Variants in CDYL2 observed in about 807,000 individuals in gnomAD.
The protein encoded by CDYL2 is chromodomain Y like 2.
A neutral mutation model predicts 49.4 loss-of-function variants in CDYL2; 23 were observed. The observed-to-expected ratio is 0.47, with a 90% CI of 0.34 to 0.66. The LOEUF (loss-of-function observed/expected upper bound fraction) is 0.66. Among genes scored for constraint, CDYL2 ranks in the 30% least tolerant of loss-of-function variants. CDYL2 has a pLI of 0.01. For synonymous variants in CDYL2, 360 were observed against 268.8 expected (o/e 1.34, Z -3.32); for missense variants, 678 against 656.4 (o/e 1.03, Z -0.36).
chr16:80,714,421 T>C (rs1904726906), intron 1 of CDYL2, among the ~76,000 whole-genome samples: 1 of 152,180 alleles, frequency 6.6e-6, no homozygotes, highest in African/African-American at 2.4e-5. Flanking sequence ...TATACACATA[T>C]AGAAATATCA....
chr16:80,772,005 C>T (rs527583009), intron 1 of CDYL2, among the ~76,000 whole-genome samples: 10 of 152,176 alleles, frequency 6.6e-5, no homozygotes, highest in African/African-American at 2.4e-4. Flanking sequence ...CTGAGCATTC[C>T]CCTAAACTGA....
chr16:80,711,976 C>G (rs544968053), intron 1 of CDYL2, among the ~76,000 whole-genome samples: 1 of 148,144 alleles, frequency 6.8e-6, no homozygotes, highest in Non-Finnish European at 1.5e-5. Context: ...TGTGTATACA[C>G]ATATATATAT....
chr16:80,618,203 T>A (rs914150547), intron 4 of CDYL2, among the ~76,000 whole-genome samples: 1 of 152,228 alleles, frequency 6.6e-6, no homozygotes, highest in Admixed American at 6.5e-5. Flanking sequence ...AGATGGCAAA[T>A]GTCTGAATTC....
intron 1 of CDYL2, among the ~76,000 whole-genome samples, chr16:80,802,885 T>C (rs1907968749): frequency 6.6e-6 from 1 of 152,200 alleles, no homozygotes; most frequent in Admixed American, 6.5e-5. Context: ...TACAATGTCT[T>C]ATGCAAAAGG....
intron 4 of CDYL2, among the ~76,000 whole-genome samples, chr16:80,620,301 C>T (rs79323964): frequency 0.042 from 6,379 of 152,276 alleles, 439 homozygotes; most frequent in African/African-American, 0.14. Context: ...TGCAAACACA[C>T]AGCTGCCCAG....
chr16:80,788,480 G>T (rs1907505985), intron 1 of CDYL2, among the ~76,000 whole-genome samples: 1 of 152,174 alleles, frequency 6.6e-6, no homozygotes, highest in South Asian at 2.1e-4. Flanking sequence ...GGAAAACCAG[G>T]AAGATTTTCT....
chr16:80,698,050 A>G (rs533864874), intron 1 of CDYL2, among the ~76,000 whole-genome samples: 204 of 152,314 alleles, frequency 1.3e-3, no homozygotes, highest in African/African-American at 4.5e-3. Flanking sequence ...AAAAATCCTA[A>G]AATTCATATG....
chr16:80,804,846 GC>G (rs1908053117), upstream of CDYL2, among the ~76,000 whole-genome samples: 1 of 151,642 alleles, frequency 6.6e-6, no homozygotes, highest in East Asian at 2.0e-4. Context: ...GGCTGCGGCT[GC>G]AGACCTCAGG....
intron 2 of CDYL2, among the ~76,000 whole-genome samples, chr16:80,657,399 C>T (rs964862129): frequency 3.9e-5 from 6 of 151,976 alleles, no homozygotes; most frequent in Non-Finnish European, 8.8e-5. Context: ...GGCTAATATC[C>T]CCAATTGTAA....
Position 80,804,216 on chromosome 16 carries a change from G to C in CDYL2, c.-43C>G, listed in dbSNP as rs1338085308. On this transcript the variant is annotated 5_prime_UTR_variant, in exon 1 of 7. Transcript: ENST00000570137. Reference sequence around the variant, plus strand: ...GGCTCGCCGGTGTGCGCGTCTGCTCGCTCGCGCCCTCCGTGCGTGTGCGCG... The same window carrying C: ...GGCTCGCCGGTGTGCGCGTCTGCTCCCTCGCGCCCTCCGTGCGTGTGCGCG... 3 of 1,338,364 alleles carry C rather than the reference G, an allele frequency of 2.2e-6. No homozygotes were observed. The highest frequency in any genetic ancestry group is 2.9e-6 in the Non-Finnish European group (3 of 1,017,264). The allele number at this position is 1,338,364 out of a possible 1,614,324, so 82.9% of individuals were successfully genotyped here. A position where few individuals can be genotyped will look rare whatever the true frequency, so the allele number is the denominator to read the frequency against.
chr16:80,680,113 TAAAC>T (rs1005049463), intron 2 of CDYL2, among the ~76,000 whole-genome samples: 2 of 152,184 alleles, frequency 1.3e-5, no homozygotes, highest in African/African-American at 2.4e-5. Context: ...TAGGAAGAGA[TAAAC>T]AAATGTTCTA....
intron 3 of CDYL2, among the ~76,000 whole-genome samples, chr16:80,631,420 G>T (rs13337893): frequency 1.3e-5 from 2 of 152,072 alleles, no homozygotes; most frequent in Non-Finnish European, 2.9e-5. Flanking sequence ...CCCTTCTCCT[G>T]CCATGTACCC....
At chr16:80,626,601 T>C (rs1436642836) in intron 3 of CDYL2, among the ~76,000 whole-genome samples, 1 of 152,184 alleles carries the variant, frequency 6.6e-6, no homozygotes, top group Non-Finnish European at 1.5e-5. Flanking sequence ...AATCACTGGA[T>C]TGTTAAAACA....
At chr16:80,760,479 G>T (rs1328973508) in intron 1 of CDYL2, among the ~76,000 whole-genome samples, 1 of 152,154 alleles carries the variant, frequency 6.6e-6, no homozygotes, top group Non-Finnish European at 1.5e-5. Flanking sequence ...AAATAACTAA[G>T]AGTGTCAATG....
chr16:80,673,604 G>T (rs181793651), intron 2 of CDYL2, among the ~76,000 whole-genome samples: 1 of 152,226 alleles, frequency 6.6e-6, no homozygotes, highest in Admixed American at 6.5e-5. Context: ...ACATTTCCTT[G>T]TTACCAGCAG....
chr16:80,798,083 C>G (rs548730436), intron 1 of CDYL2, among the ~76,000 whole-genome samples: 1 of 152,304 alleles, frequency 6.6e-6, no homozygotes, highest in Admixed American at 6.5e-5. Context: ...CTCTGTCACC[C>G]AGGCTGGAGT....
intron 1 of CDYL2, among the ~76,000 whole-genome samples, chr16:80,695,500 T>C (rs1321387443): frequency 1.3e-5 from 2 of 152,114 alleles, no homozygotes; most frequent in Non-Finnish European, 2.9e-5. Flanking sequence ...ATGCTGCCTA[T>C]AAGAAATTCA....
chr16:80,664,547 G>A (rs955723519), intron 2 of CDYL2, among the ~76,000 whole-genome samples: 3 of 152,090 alleles, frequency 2.0e-5, no homozygotes, highest in African/African-American at 4.8e-5. Flanking sequence ...TACAGCCTTC[G>A]TCCCCACCAC....
chr16:80,630,678 C>T (rs1907520342), intron 3 of CDYL2, among the ~76,000 whole-genome samples: 1 of 152,090 alleles, frequency 6.6e-6, no homozygotes, highest in South Asian at 2.1e-4. Context: ...ACACCATGCT[C>T]AGAGAAGGGG....
Sources: allele counts gnomAD v4.1 joint callset (sites outside exome capture counted in the v4.1 genomes callset), GRCh38; gene constraint gnomAD v4.1.1; transcripts MANE v1.5; gene names NCBI Gene and HGNC (gene_info 2026-07-23, HGNC 2026-07-21).